The following CLOCK variants were observed in gnomAD, a reference collection of about 807,000 sequenced individuals.
CLOCK encodes clock circadian regulator.
Under a neutral mutation model 118.4 loss-of-function variants are expected in CLOCK, and 43 were observed. The observed-to-expected ratio is 0.36, with a 90% CI of 0.28 to 0.47. The LOEUF (loss-of-function observed/expected upper bound fraction) is 0.47. Ranked by LOEUF, CLOCK falls within the 20% of genes least tolerant of loss-of-function variation. The pLI is 1.00. For missense variants in CLOCK, 846 were observed against 999.9 expected (o/e 0.85, Z 2.08); for synonymous variants, 326 against 339.2 (o/e 0.96, Z 0.43).
chr4:55,442,281 A>C, intron 21 of CLOCK, 151 bp downstream of exon 21: 1 of 729,162 alleles, frequency 1.4e-6, no homozygotes, highest in Non-Finnish European at 2.3e-6. Context: ...CAATGAATAC[A>C]TTCAGTGTTT....
At chr4:55,453,951 A>G (rs1221329406) in intron 13 of CLOCK, 127 bp from the exon 14 acceptor site, 3 of 682,392 alleles carry the variant, frequency 4.4e-6, no homozygotes, top group Non-Finnish European at 7.3e-6. Flanking sequence ...TTGATAACAT[A>G]TATGTCAATA....
At chr4:55,478,673 G>A in intron 6 of CLOCK, 142 bp downstream of exon 6, 2 of 775,314 alleles carry the variant, frequency 2.6e-6, no homozygotes. Flanking sequence ...ATGAAAGAAT[G>A]AACATATTAG....
intron 7 of CLOCK, among the ~76,000 whole-genome samples, chr4:55,475,423 T>C (rs1346790468): frequency 1.3e-5 from 2 of 152,190 alleles, no homozygotes; most frequent in Non-Finnish European, 1.5e-5. Flanking sequence ...GAATATTACA[T>C]AAATTTAGTT....
intron 16 of CLOCK, 31 bp from the exon 17 acceptor site, chr4:55,449,527 T>C (rs780336519): frequency 1.8e-5 from 27 of 1,517,796 alleles, no homozygotes; most frequent in Non-Finnish European, 2.4e-5. Flanking sequence ...AGAGCATTAG[T>C]ACTTTATAAA....
intron 3 of CLOCK, among the ~76,000 whole-genome samples, chr4:55,488,925 G>GTCTCAC (rs1487178345): frequency 2.0e-5 from 3 of 152,010 alleles, no homozygotes; most frequent in Non-Finnish European, 2.9e-5. Context: ...TGGAGATGGG[G>GTCTCAC]TCTCACTATG....
intron 1 of CLOCK, among the ~76,000 whole-genome samples, chr4:55,514,856 CTT>C (rs1729393228): frequency 6.6e-6 from 1 of 152,050 alleles, no homozygotes; most frequent in Non-Finnish European, 1.5e-5. Flanking sequence ...CTTGCAATAT[CTT>C]TGTCTGGTTT....
intron 2 of CLOCK, among the ~76,000 whole-genome samples, chr4:55,505,639 G>A (rs1443380081): frequency 6.6e-6 from 1 of 151,880 alleles, no homozygotes; most frequent in African/African-American, 2.4e-5. Context: ...ACTCCAGGCT[G>A]GGTGACAGAA....
At chr4:55,532,007 A>G (rs1730587625) in intron 1 of CLOCK, among the ~76,000 whole-genome samples, 1 of 152,158 alleles carries the variant, frequency 6.6e-6, no homozygotes, top group Admixed American at 6.5e-5. Context: ...CAGAAATTCA[A>G]GGATGGTTCA....
intron 7 of CLOCK, among the ~76,000 whole-genome samples, chr4:55,474,315 A>C (rs1726343080): frequency 6.6e-6 from 1 of 152,336 alleles, no homozygotes; most frequent in Admixed American, 6.5e-5. Flanking sequence ...GAAGGCAGAG[A>C]GAGTTAAGGA....
Position 55,524,041 on chromosome 4 carries a change from G to T in CLOCK, c.-289-13976C>A, listed in dbSNP as rs538518383. On this transcript the variant is annotated intron_variant, in intron 1 of 22. Coordinates refer to ENST00000513440, the MANE Select transcript of CLOCK (RefSeq NM_004898.4). The stretch of plus-strand genomic sequence containing the variant: ...ATTTTGGCATGCAGACACCATAAAA[G>T]ACGTAAGAACACATCATTTTAGCAA... Among the ~76,000 whole-genome samples the T allele has an allele frequency of 6.6e-5, 10 of 152,146 alleles. No individual in the cohort carries two copies. The South Asian group carries it at 1.7e-3, about 25-fold the overall frequency.
intron 1 of CLOCK, among the ~76,000 whole-genome samples, chr4:55,525,497 T>C (rs1304130312): frequency 6.6e-6 from 1 of 151,876 alleles, no homozygotes; most frequent in African/African-American, 2.4e-5. Context: ...ATAAAATAAA[T>C]GAATAATAAA....
At chr4:55,530,774 C>CAAAAAAAAAAAAAAAAAAAAAAAAAAAA (rs60810379) in intron 1 of CLOCK, among the ~76,000 whole-genome samples, 1 of 33,046 alleles carries the variant, frequency 3.0e-5, no homozygotes, top group Non-Finnish European at 5.3e-5. Flanking sequence ...GACTCCATCG[C>CAAAAAAAAAAAAAAAAAAAAAAAAAAAA]AAAAAAAAAA....
chr4:55,484,652 T>A (rs777774401), intron 3 of CLOCK, among the ~76,000 whole-genome samples: 2 of 152,040 alleles, frequency 1.3e-5, no homozygotes, highest in African/African-American at 4.8e-5. Context: ...CAAAAAGAAT[T>A]GTTAAGAGTA....
In CLOCK at chr4:55,503,315, A is replaced by G. The variant is rs140497899; in HGVS notation, c.-136+6597T>C. Among the ~76,000 whole-genome samples the G allele has an allele frequency of 6.6e-5, 10 of 152,348 alleles. No homozygotes were observed. In the East Asian group the frequency reaches 1.9e-3, roughly 29 times the overall value. On this transcript the variant is annotated intron_variant, in intron 2 of 22. Coordinates refer to ENST00000513440, the MANE Select transcript of CLOCK (RefSeq NM_004898.4). Reference sequence around the variant, plus strand: ...GAAGTATTTCACAGCAACAACAGAAAAGATGAACCACTGCTACATGCATCA... The same window carrying G: ...GAAGTATTTCACAGCAACAACAGAAGAGATGAACCACTGCTACATGCATCA...
intron 2 of CLOCK, among the ~76,000 whole-genome samples, chr4:55,495,615 C>T (rs987393866): frequency 1.3e-5 from 2 of 152,100 alleles, no homozygotes; most frequent in African/African-American, 4.8e-5. Flanking sequence ...CTTCACTCCA[C>T]GAAGGGTGTG....
chr4:55,505,787 T>C (rs1389848276), intron 2 of CLOCK, among the ~76,000 whole-genome samples: 3 of 150,288 alleles, frequency 2.0e-5, no homozygotes, highest in Non-Finnish European at 4.4e-5. Flanking sequence ...TTAAGAATAG[T>C]TCAAAGAGCT....
intron 1 of CLOCK, among the ~76,000 whole-genome samples, chr4:55,529,978 A>G (rs1428969890): frequency 6.6e-6 from 1 of 152,250 alleles, no homozygotes; most frequent in East Asian, 1.9e-4. Flanking sequence ...ACTTGAGAAA[A>G]GAGATAAAGA....
intron 22 of CLOCK, among the ~76,000 whole-genome samples, chr4:55,435,953 T>C (rs1208335917): frequency 6.6e-6 from 1 of 152,166 alleles, no homozygotes; most frequent in African/African-American, 2.4e-5. Context: ...AAACAAATAC[T>C]CTGAGGCCAG....
Position 55,496,125 on chromosome 4 carries a change from G to A in CLOCK, c.-135-6660C>T, listed in dbSNP as rs557861209. On this transcript the variant is annotated intron_variant, in intron 2 of 22. Coordinates refer to ENST00000513440, the MANE Select transcript of CLOCK (RefSeq NM_004898.4). ...AATCGCTTGAACCCGGGAGGTGGAG[G>A]TTGCATTGAGCCAAGATTGCTCCAC... is the stretch of plus-strand genomic sequence containing the variant. 6.8e-4 allele frequency among the ~76,000 whole-genome samples: 104 copies of A among 152,112 alleles called. 1 individual carries two copies. Among genetic ancestry groups the A allele is most frequent in the Middle Eastern group, 3.4e-3 (1 of 294 alleles).
Sources: gnomAD v4.1 joint callset for allele counts (sites outside exome capture counted in the v4.1 genomes callset) on GRCh38, gnomAD v4.1.1 for gene constraint, MANE v1.5 for transcripts, NCBI Gene and HGNC (gene_info 2026-07-23, HGNC 2026-07-21) for gene names.